Variants in INTU observed in about 807,000 individuals in gnomAD.
INTU encodes the protein inturned planar cell polarity protein, also known as protein inturned.
INTU carries 68 observed loss-of-function variants against 100.5 expected under a neutral mutation model. The observed-to-expected ratio is 0.68, with a 90% CI of 0.56 to 0.83. The LOEUF (loss-of-function observed/expected upper bound fraction) is 0.83, where lower values mean the gene tolerates loss of function less well. INTU is among the 40% of genes least tolerant of loss of function. The pLI, the probability that INTU is intolerant of heterozygous loss-of-function variation, is 0.00. For missense variants in INTU, 1,071 were observed against 1,114.7 expected (o/e 0.96, Z 0.56); for synonymous variants, 357 against 395.7 (o/e 0.90, Z 1.16).
chr4:127,672,745 A>G (rs1212532383), intron 5 of INTU, among the ~76,000 whole-genome samples: 1 of 152,110 alleles, frequency 6.6e-6, no homozygotes, highest in Non-Finnish European at 1.5e-5. Context: ...ATGCATTTCT[A>G]AAAGTATTAA....
At chr4:127,655,890 G>T (rs1269724637) in intron 2 of INTU, among the ~76,000 whole-genome samples, 1 of 152,306 alleles carries the variant, frequency 6.6e-6, no homozygotes, top group Non-Finnish European at 1.5e-5. Flanking sequence ...GTGGGCGTAG[G>T]ACCCTCCGAG....
chr4:127,706,565 G>A lies in INTU; in HGVS notation c.1867G>A (p.Val623Ile). 1 of 1,614,066 alleles carries A rather than the reference G, an allele frequency of 6.2e-7. No individual in the cohort carries two copies. Among genetic ancestry groups the A allele is most frequent in the Non-Finnish European group, 8.5e-7 (1 of 1,179,962 alleles). The change falls in exon 12 of 16, where the codon GTA becomes ATA. Residue 623 changes from valine to isoleucine, a missense_variant. Coordinates refer to ENST00000335251, the MANE Select transcript of INTU (RefSeq NM_015693.4). The part of the protein sequence containing the change: ...KAIGSPGPDC[V>I]YVDQVKTTLH... ...TATTGGGAGTCCTGGACCAGACTGT[G>A]TATATGTGGATCAAGTCAAAACAAC... is the stretch of plus-strand genomic sequence containing the variant.
intron 4 of INTU, among the ~76,000 whole-genome samples, chr4:127,668,791 T>C (rs1728801638): frequency 6.6e-6 from 1 of 151,864 alleles, no homozygotes; most frequent in African/African-American, 2.4e-5. Flanking sequence ...GTATCCTACT[T>C]AGTATATTAT....
At chr4:127,699,269 A>C (rs1730537034) in intron 8 of INTU, 1 of 151,484 alleles carries the variant, frequency 6.6e-6, no homozygotes, top group Non-Finnish European at 1.5e-5. Context: ...ATTAAACTTC[A>C]GATTAAATTT....
rs1729899885 is a variant in INTU, at chr4:127,687,838, C to T, written c.1420C>T (p.Arg474Trp). The change falls in exon 8 of 16, where the codon CGG becomes TGG. Residue 474 changes from arginine to tryptophan, a missense_variant. Physicochemically the swap from Arg to Trp is moderately radical, Grantham distance 101. Transcript: ENST00000335251. Reference protein sequence around the residue: ...AVLLDNLPGVRWLTLPLEIKM... With the variant: ...AVLLDNLPGVWWLTLPLEIKM... ...ACTTTTAGACAACCTCCCTGGAGTC[C>T]GGTGGCTCACACTTCCACTGGAAAT... 12 of 1,590,320 alleles carry T rather than the reference C, an allele frequency of 7.5e-6. No homozygotes were observed. The highest frequency in any genetic ancestry group is 1.3e-5 in the African/African-American group (1 of 74,602).
intron 9 of INTU, among the ~76,000 whole-genome samples, chr4:127,700,790 A>G (rs1730614578): frequency 6.6e-6 from 1 of 152,024 alleles, no homozygotes; most frequent in Non-Finnish European, 1.5e-5. Context: ...AAAAAAAGGA[A>G]ACTTACTAGT....
At chr4:127,689,793 C>T (rs1560866197) in intron 8 of INTU, among the ~76,000 whole-genome samples, 1 of 151,794 alleles carries the variant, frequency 6.6e-6, no homozygotes, top group South Asian at 2.1e-4. Flanking sequence ...TATAAGTGTT[C>T]GATATAGATA....
intron 6 of INTU, among the ~76,000 whole-genome samples, chr4:127,682,797 G>T (rs1382728169): frequency 1.3e-5 from 2 of 151,574 alleles, no homozygotes; most frequent in African/African-American, 4.8e-5. Context: ...ATAAATTATG[G>T]GTTTACAAGG....
At chr4:127,664,094 G>C (rs536742757) in intron 4 of INTU, among the ~76,000 whole-genome samples, 2 of 151,934 alleles carry the variant, frequency 1.3e-5, no homozygotes, top group East Asian at 3.9e-4. Flanking sequence ...TTAATGCAGG[G>C]GGATGTAGCA....
At chr4:127,686,477 T>G (rs1344848253) in intron 7 of INTU, 1 of 152,236 alleles carries the variant, frequency 6.6e-6, no homozygotes, top group Non-Finnish European at 1.5e-5. Context: ...CCCCTCTGAC[T>G]TCAGATATCA....
At position 127,705,637 on chromosome 4, in the gene INTU, T is replaced by C; in HGVS notation, c.1613T>C (p.Ile538Thr). ...SHLPKDDLID[I>T]AVYCRHYCLL... ...TTGCCCAAGGATGATCTTATTGATA[T>C]TGCCGTATACTGTCGCCACTATTGC... The change falls in exon 11 of 16, where the codon ATT becomes ACT. Residue 538 changes from isoleucine (I) to threonine (T), a missense_variant. By Grantham distance (89) the Ile-to-Thr change is moderately conservative. Transcript: ENST00000335251. 1 of 1,614,018 alleles carries C rather than the reference T, an allele frequency of 6.2e-7. No individual in the cohort carries two copies. Among genetic ancestry groups the C allele is most frequent in the Non-Finnish European group, 8.5e-7 (1 of 1,179,930 alleles).
At chr4:127,686,649 A>G (rs541327382) in intron 7 of INTU, 2 of 152,282 alleles carry the variant, frequency 1.3e-5, no homozygotes, top group Admixed American at 1.3e-4. Context: ...TCAACCTAAA[A>G]TAGCCAATCT....
At position 127,656,119 on chromosome 4, in the gene INTU, G is replaced by C. The variant is rs190745696; in HGVS notation, c.683-517G>C. 1.9e-3 allele frequency among the ~76,000 whole-genome samples: 287 copies of C among 150,732 alleles called. 1 individual carries two copies. The highest frequency in any genetic ancestry group is 6.9e-3 in the African/African-American group (275 of 40,046). The stretch of plus-strand genomic sequence containing the variant: ...GCGCACCCACTGACCTACGCCCACT[G>C]TCTGGTACTCCCTAGTGAGATGAAC... On this transcript the variant is annotated intron_variant, in intron 2 of 15. Transcript: ENST00000335251.
intron 1 of INTU, among the ~76,000 whole-genome samples, chr4:127,641,720 G>C (rs931613278): frequency 1.3e-5 from 2 of 152,038 alleles, no homozygotes; most frequent in African/African-American, 4.8e-5. Flanking sequence ...ACTAAGCAAG[G>C]GCGGGAACTG....
At chr4:127,651,247 C>T (rs1323131793) in intron 2 of INTU, among the ~76,000 whole-genome samples, 1 of 152,082 alleles carries the variant, frequency 6.6e-6, no homozygotes, top group Non-Finnish European at 1.5e-5. Context: ...TCAATTTTGT[C>T]TTTTGTTGCC....
chr4:127,685,369 C>T (rs1729768786), intron 7 of INTU: 1 of 441,582 alleles, frequency 2.3e-6, no homozygotes, highest in South Asian at 1.6e-5. Flanking sequence ...GCAGTTTATA[C>T]ATTTTTCCAA....
chr4:127,702,095 T>A (rs993441989), intron 9 of INTU, among the ~76,000 whole-genome samples: 1 of 152,160 alleles, frequency 6.6e-6, no homozygotes, highest in African/African-American at 2.4e-5. Flanking sequence ...TTTAAAAATC[T>A]AATTCCTGCC....
At chr4:127,714,371 CCTCT>C (rs907667135) in intron 15 of INTU, among the ~76,000 whole-genome samples, 7 of 151,534 alleles carry the variant, frequency 4.6e-5, no homozygotes, top group African/African-American at 1.7e-4. Context: ...CATTTTTCCC[CCTCT>C]CTCCTTTCTT....
In INTU at chr4:127,697,058, A is replaced by G. The variant is rs193202360; in HGVS notation, c.1450-2952A>G. Among the ~76,000 whole-genome samples the G allele has an allele frequency of 1.6e-3, 239 of 152,326 alleles. 1 individual carries two copies. The highest frequency in any genetic ancestry group is 7.0e-3 in the South Asian group (34 of 4,826). On this transcript the variant is annotated intron_variant, in intron 8 of 15. Transcript: ENST00000335251. ...GTTTAATAGTCAAGATTCTCTACTCAGTGTATTTTAAAATTTCAGCTTGAA... is the reference window on the plus strand; with the variant it reads ...GTTTAATAGTCAAGATTCTCTACTCGGTGTATTTTAAAATTTCAGCTTGAA...
Sources: gnomAD v4.1 joint callset for allele counts (sites outside exome capture counted in the v4.1 genomes callset) on GRCh38, gnomAD v4.1.1 for gene constraint, MANE v1.5 for transcripts, NCBI Gene and HGNC (gene_info 2026-07-23, HGNC 2026-07-21) for gene names.